The following TTC3 variants were observed in gnomAD, a reference collection of about 807,000 sequenced individuals.
TTC3 encodes the protein tetratricopeptide repeat domain 3, also known as E3 ubiquitin-protein ligase TTC3.
Under a neutral mutation model 249.6 loss-of-function variants are expected in TTC3, and 180 were observed. The observed-to-expected ratio is 0.72, with a 90% CI of 0.64 to 0.82. The LOEUF is 0.82. Ranked by LOEUF, TTC3 falls within the 40% of genes least tolerant of loss-of-function variation. TTC3 has a pLI of 0.00. For missense variants in TTC3, 2,061 were observed against 2,398.4 expected (o/e 0.86, Z 2.94); for synonymous variants, 717 against 805.0 (o/e 0.89, Z 1.85).
intron 42 of TTC3, 75 bp downstream of exon 42, chr21:37,196,111 G>C: frequency 5.2e-6 from 8 of 1,551,498 alleles, no homozygotes; most frequent in Non-Finnish European, 7.0e-6. Flanking sequence ...TAAAATCATG[G>C]CTAGTTAGGT....
Position 37,090,208 on chromosome 21 carries a change from A to T in TTC3, c.427-25A>T, listed in dbSNP as rs374663127. 352 of 1,571,034 alleles carry T rather than the reference A, an allele frequency of 2.2e-4. 2 individuals are homozygous for T. In the African/African-American group the frequency reaches 3.8e-3, roughly 17 times the overall value. On this transcript the variant is annotated intron_variant, in intron 5 of 45. Transcript: ENST00000355666. ...AGTAGAATTGACTGAATAAGGAAAAAATATGTCCTTTTTTTATTTTTCAGA... is the reference window on the plus strand; with the variant it reads ...AGTAGAATTGACTGAATAAGGAAAATATATGTCCTTTTTTTATTTTTCAGA...
chr21:37,085,564 GT>G (rs1445424131), intron 1 of TTC3, among the ~76,000 whole-genome samples: 2 of 152,206 alleles, frequency 1.3e-5, no homozygotes, highest in Non-Finnish European at 2.9e-5. Context: ...GACATGAGCC[GT>G]AATGACTCTT....
At chr21:37,111,672 T>G (rs967593693) in intron 11 of TTC3, among the ~76,000 whole-genome samples, 6 of 152,092 alleles carry the variant, frequency 3.9e-5, no homozygotes, top group African/African-American at 1.4e-4. Flanking sequence ...TATCCAGGAA[T>G]TGAACTCAGC....
chr21:37,117,848 A>AAAAAAAG (rs1555876993), intron 11 of TTC3, among the ~76,000 whole-genome samples: 5 of 150,634 alleles, frequency 3.3e-5, no homozygotes, highest in African/African-American at 1.2e-4. Flanking sequence ...AAAAAAAAAA[A>AAAAAAAG]AAAAAGAAAA....
intron 32 of TTC3, among the ~76,000 whole-genome samples, chr21:37,164,991 G>T (rs959350913): frequency 1.3e-5 from 2 of 152,118 alleles, no homozygotes; most frequent in Admixed American, 1.3e-4. Flanking sequence ...TTTCTTTAGA[G>T]TTGAAATGCT....
Position 37,087,238 on chromosome 21 carries a change from T to A in TTC3, c.-11-9T>A. The A allele has an allele frequency of 6.2e-7, 1 of 1,609,218 alleles. No individual in the cohort carries two copies. Among genetic ancestry groups the A allele is most frequent in the Non-Finnish European group, 8.5e-7 (1 of 1,178,558 alleles). ...TAATTACTGACTTGAGTTTGTGTTG[T>A]CTCCTTAGACTTGTGCACCATGGAC... On this transcript the variant is annotated splice_polypyrimidine_tract_variant and intron_variant, in intron 1 of 45. Transcript: ENST00000355666.
At chr21:37,114,431 A>G (rs1163878524) in intron 11 of TTC3, among the ~76,000 whole-genome samples, 1 of 152,260 alleles carries the variant, frequency 6.6e-6, no homozygotes, top group East Asian at 1.9e-4. Flanking sequence ...GACACATGAA[A>G]AAATGCTCAT....
intron 1 of TTC3, among the ~76,000 whole-genome samples, chr21:37,085,232 G>C (rs1362129759): frequency 6.6e-6 from 1 of 152,180 alleles, no homozygotes; most frequent in Non-Finnish European, 1.5e-5. Flanking sequence ...AGACAAGTGA[G>C]ATTAGCATAT....
chr21:37,138,324 C>G (rs1425639950), intron 18 of TTC3, among the ~76,000 whole-genome samples: 1 of 152,170 alleles, frequency 6.6e-6, no homozygotes, highest in African/African-American at 2.4e-5. Context: ...ATGTCTTAAT[C>G]TGTCACTAGT....
rs76933788 is a variant in TTC3 at position 37,097,751 on chromosome 21, A to G, written c.845+1108A>G. On this transcript the variant is annotated intron_variant, in intron 10 of 45. Transcript: ENST00000355666. ...CTGAAAGCACAGTTTTGGGTTTCAC[A>G]AATACTTTTTTTGTGAAGTTTTCTC... Among the ~76,000 whole-genome samples, 1,260 of 152,304 alleles carry G rather than the reference A, an allele frequency of 8.3e-3. 11 individuals are homozygous for G. The highest frequency in any genetic ancestry group is 0.029 in the African/African-American group (1,200 of 41,542).
At chr21:37,167,215 G>A (rs2081327121) in intron 33 of TTC3, among the ~76,000 whole-genome samples, 1 of 152,152 alleles carries the variant, frequency 6.6e-6, no homozygotes, top group Non-Finnish European at 1.5e-5. Flanking sequence ...ATGTGTATGA[G>A]TTCTTTCCTA....
intron 17 of TTC3, among the ~76,000 whole-genome samples, chr21:37,134,973 T>C (rs1374725555): frequency 6.6e-6 from 1 of 152,222 alleles, no homozygotes; most frequent in Admixed American, 6.5e-5. Flanking sequence ...AATCTGGTAG[T>C]GATCAGAATA....
At chr21:37,172,628 G>A (rs2081904770) in exon 35 of TTC3, 3 of 1,613,488 alleles carry the variant, frequency 1.9e-6, no homozygotes, top group Non-Finnish European at 2.5e-6. Flanking sequence ...GGAGCACCAA[G>A]TATTACAAGA....
At chr21:37,098,103 C>T in intron 10 of TTC3, 1 of 556,144 alleles carries the variant, frequency 1.8e-6, no homozygotes. Context: ...CACAGTCTTC[C>T]ATCAATACCA....
intron 10 of TTC3, among the ~76,000 whole-genome samples, chr21:37,102,523 A>C (rs2074613404): frequency 4.6e-5 from 7 of 152,216 alleles, no homozygotes; most frequent in Admixed American, 4.6e-4. Context: ...ACAGGCCTTA[A>C]GTCTGATAGT....
exon 42 of TTC3, chr21:37,195,958 C>T (rs61736685): frequency 0.011 from 18,118 of 1,614,162 alleles, 157 homozygotes; most frequent in East Asian, 0.022. Context: ...GGACGTGCTG[C>T]GCGTTCAAGC....
intron 1 of TTC3, among the ~76,000 whole-genome samples, chr21:37,075,859 G>A (rs2070767486): frequency 6.6e-6 from 1 of 152,144 alleles, no homozygotes; most frequent in African/African-American, 2.4e-5. Context: ...GGCAGGTGAG[G>A]TGATTTAATT....
intron 1 of TTC3, among the ~76,000 whole-genome samples, chr21:37,084,716 C>T (rs553961294): frequency 6.6e-6 from 1 of 152,306 alleles, no homozygotes; most frequent in East Asian, 1.9e-4. Context: ...AATACAAGGC[C>T]GGGTGCGGTG....
intron 1 of TTC3, chr21:37,085,684 G>C (rs1489308597): frequency 6.6e-6 from 1 of 152,286 alleles, no homozygotes; most frequent in Non-Finnish European, 1.5e-5. Flanking sequence ...AGGCAGTGAA[G>C]ATCATGTTAG....
Sources: gnomAD v4.1 joint callset for allele counts (sites outside exome capture counted in the v4.1 genomes callset) on GRCh38, gnomAD v4.1.1 for gene constraint, MANE v1.5 for transcripts, NCBI Gene and HGNC (gene_info 2026-07-23, HGNC 2026-07-21) for gene names.